Variants in IPO11 observed in about 807,000 individuals in gnomAD.
IPO11 encodes the protein importin-11.
Under a neutral mutation model 143.2 loss-of-function variants are expected in IPO11, and 66 were observed. That is an observed-to-expected ratio of 0.46 (90% CI 0.38 to 0.57). IPO11 has a LOEUF of 0.57. IPO11 is among the 20% of genes least tolerant of loss of function. IPO11 has a pLI of 0.00. For missense variants in IPO11, 1,026 were observed against 1,141.0 expected (o/e 0.90, Z 1.45); for synonymous variants, 385 against 377.8 (o/e 1.02, Z -0.22).
At chr5:62,492,507 G>C (rs1021593481) in intron 15 of IPO11, among the ~76,000 whole-genome samples, 1 of 152,086 alleles carries the variant, frequency 6.6e-6, no homozygotes, top group East Asian at 1.9e-4. Context: ...CTTCTTGGGG[G>C]CAGGGAATAC....
chr5:62,432,995 T>C (rs768670672), intron 1 of IPO11, among the ~76,000 whole-genome samples: 7 of 152,222 alleles, frequency 4.6e-5, no homozygotes, highest in Non-Finnish European at 7.3e-5. Context: ...TTGGACACAT[T>C]GGGAACATTC....
chr5:62,506,206 T>C (rs1213363466), intron 18 of IPO11, 35 bp from the exon 19 acceptor site: 3 of 1,198,758 alleles, frequency 2.5e-6, no homozygotes, highest in Non-Finnish European at 2.4e-6. Context: ...ATTTCTATTA[T>C]AAACCTTTTT....
At chr5:62,456,043 T>C (rs1157148447) in intron 5 of IPO11, among the ~76,000 whole-genome samples, 1 of 151,234 alleles carries the variant, frequency 6.6e-6, no homozygotes, top group Admixed American at 6.6e-5. Context: ...ATTTTCTTTT[T>C]TTTGAGAAGG....
At chr5:62,544,073 A>G (rs1049549751) in intron 24 of IPO11, among the ~76,000 whole-genome samples, 24 of 152,296 alleles carry the variant, frequency 1.6e-4, no homozygotes, top group Middle Eastern at 3.4e-3. Context: ...AATCAATAGA[A>G]AAAGAGGGAA....
At chr5:62,516,535 C>T (rs1246267610) in intron 20 of IPO11, among the ~76,000 whole-genome samples, 2 of 152,088 alleles carry the variant, frequency 1.3e-5, no homozygotes, top group Non-Finnish European at 2.9e-5. Context: ...CTCAAGTGAT[C>T]CGCCCACCTC....
chr5:62,523,049 G>A (rs1040101149), intron 20 of IPO11, among the ~76,000 whole-genome samples: 7 of 152,180 alleles, frequency 4.6e-5, no homozygotes, highest in Non-Finnish European at 1.0e-4. Context: ...TTTCTGTAGT[G>A]TAAATCAGGT....
chr5:62,564,941 C>T (rs1743883921), intron 27 of IPO11, among the ~76,000 whole-genome samples: 1 of 152,138 alleles, frequency 6.6e-6, no homozygotes, highest in Non-Finnish European at 1.5e-5. Context: ...GTGCCTGTTT[C>T]CTTGTTCTTA....
chr5:62,596,029 C>T (rs947525390), intron 28 of IPO11, among the ~76,000 whole-genome samples: 4 of 150,362 alleles, frequency 2.7e-5, no homozygotes, highest in Non-Finnish European at 5.9e-5. Flanking sequence ...GAGGCCGAGA[C>T]GGTAGAATCG....
intron 5 of IPO11, among the ~76,000 whole-genome samples, chr5:62,453,898 G>C (rs1314993465): frequency 7.2e-5 from 11 of 152,136 alleles, no homozygotes; most frequent in African/African-American, 2.4e-4. Flanking sequence ...ACTTTGGGAG[G>C]CTGAGGCGAG....
intron 27 of IPO11, among the ~76,000 whole-genome samples, chr5:62,567,869 C>T (rs1447682517): frequency 6.6e-6 from 1 of 150,604 alleles, no homozygotes; most frequent in African/African-American, 2.4e-5. Flanking sequence ...GCTACATTTG[C>T]TCTTTTGATG....
At chr5:62,439,325 C>T (rs1330886734) in intron 2 of IPO11, among the ~76,000 whole-genome samples, 7 of 117,480 alleles carry the variant, frequency 6.0e-5, no homozygotes, top group African/African-American at 2.0e-4. Context: ...CTCGCTCTGT[C>T]GCACAGGCTG....
rs1168313291 is a variant in IPO11, at chr5:62,482,133, A to G, written c.829-968A>G. On this transcript the variant is annotated intron_variant, in intron 9 of 29. Transcript: ENST00000325324. Reference sequence around the variant, plus strand: ...TTGTATTTCTGTGGGATTGGTGGTGATACTCCTTATCATTTTTTATTGTGT... The same window carrying G: ...TTGTATTTCTGTGGGATTGGTGGTGGTACTCCTTATCATTTTTTATTGTGT... 2.0e-5 allele frequency among the ~76,000 whole-genome samples: 3 copies of G among 152,094 alleles called. No individual in the cohort carries two copies. The East Asian group carries it at 5.8e-4, about 29-fold the overall frequency.
At chr5:62,616,752 A>C (rs1316944269) in intron 29 of IPO11, among the ~76,000 whole-genome samples, 1 of 148,124 alleles carries the variant, frequency 6.8e-6, no homozygotes, top group East Asian at 2.0e-4. Flanking sequence ...AAAATCAGTG[A>C]GAGAACAGGA....
intron 1 of IPO11, among the ~76,000 whole-genome samples, chr5:62,433,920 G>A (rs915512413): frequency 1.3e-5 from 2 of 152,106 alleles, no homozygotes; most frequent in Non-Finnish European, 2.9e-5. Flanking sequence ...TGGAGGGGGT[G>A]GGATGAGGAT....
At chr5:62,593,170 TAGTC>T (rs978180367) in intron 28 of IPO11, among the ~76,000 whole-genome samples, 2 of 68,154 alleles carry the variant, frequency 2.9e-5, no homozygotes, top group Non-Finnish European at 5.2e-5. Flanking sequence ...TTTGCTTTAA[TAGTC>T]AGGGAAAGAA....
chr5:62,503,894 A>G (rs1741448324), intron 16 of IPO11, among the ~76,000 whole-genome samples: 1 of 152,242 alleles, frequency 6.6e-6, no homozygotes, highest in South Asian at 2.1e-4. Flanking sequence ...CATCTAAGAA[A>G]GTAATGGTTC....
At chr5:62,451,592 G>A in intron 4 of IPO11, 138 bp from the exon 5 acceptor site, 1 of 725,898 alleles carries the variant, frequency 1.4e-6, no homozygotes. Context: ...GCCACACTTT[G>A]AGAACCACTG....
At chr5:62,493,873 G>A in intron 15 of IPO11, 125 bp from the exon 16 acceptor site, 1 of 897,052 alleles carries the variant, frequency 1.1e-6, no homozygotes, top group Non-Finnish European at 1.6e-6. Flanking sequence ...CTGCTTTTAA[G>A]CTTTTATATT....
chr5:62,426,245 G>C (rs562602013), intron 1 of IPO11, among the ~76,000 whole-genome samples: 1 of 152,156 alleles, frequency 6.6e-6, no homozygotes, highest in Non-Finnish European at 1.5e-5. Context: ...AAATTAGCTG[G>C]GCATGGTGGC....
Sources: allele counts gnomAD v4.1 joint callset (sites outside exome capture counted in the v4.1 genomes callset), GRCh38; gene constraint gnomAD v4.1.1; transcripts MANE v1.5; gene names NCBI Gene and HGNC (gene_info 2026-07-23, HGNC 2026-07-21).